GRIA4: variants seen among roughly 807,000 people sequenced by gnomAD.
GRIA4 encodes glutamate ionotropic receptor AMPA type subunit 4.
A neutral mutation model predicts 104.0 loss-of-function variants in GRIA4; 34 were observed. The observed-to-expected ratio is 0.33, with a 90% CI of 0.25 to 0.44. The LOEUF (loss-of-function observed/expected upper bound fraction) is 0.44. GRIA4 is among the 20% of genes least tolerant of loss of function. GRIA4 has a pLI of 1.00. For synonymous variants in GRIA4, 386 were observed against 381.9 expected, an observed-to-expected ratio of 1.01 and a Z score of -0.13; for missense variants, 750 against 1,096.5, an observed-to-expected ratio of 0.68 and a Z score of 4.46.
intron 3 of GRIA4, among the ~76,000 whole-genome samples, chr11:105,683,543 G>T (rs1468935186): frequency 6.6e-6 from 1 of 151,898 alleles, no homozygotes; most frequent in African/African-American, 2.4e-5. Flanking sequence ...AATTTATGAA[G>T]CAATTATGAA....
rs902237805 is a variant in GRIA4 at position 105,792,788 on chromosome 11, T to G, written c.487+39568T>G. On this transcript the variant is annotated intron_variant, in intron 4 of 16. Coordinates refer to ENST00000282499, the MANE Select transcript of GRIA4 (RefSeq NM_000829.4). ...TTCAATGAAAATAATTTAACAAATTTAAGACACTGCCTTCAACTGGCTTAT... is the reference window on the plus strand; with the variant it reads ...TTCAATGAAAATAATTTAACAAATTGAAGACACTGCCTTCAACTGGCTTAT... Among the ~76,000 whole-genome samples the G allele has an allele frequency of 1.4e-4, 22 of 152,158 alleles. 1 individual carries two copies. Among genetic ancestry groups the G allele is most frequent in the African/African-American group, 3.9e-4 (16 of 41,436 alleles).
At chr11:105,879,377 T>C (rs542746591) in intron 5 of GRIA4, among the ~76,000 whole-genome samples, 20 of 152,320 alleles carry the variant, frequency 1.3e-4, no homozygotes, top group Non-Finnish European at 2.4e-4. Context: ...TTTTAATTGA[T>C]TACTTTGAGC....
chr11:105,633,333 G>T (rs545721876), intron 3 of GRIA4, among the ~76,000 whole-genome samples: 4 of 152,210 alleles, frequency 2.6e-5, no homozygotes, highest in Admixed American at 2.0e-4. Context: ...CAAATTCAAA[G>T]AAACTAATTT....
At chr11:105,908,145 A>G (rs1947110343) in intron 9 of GRIA4, among the ~76,000 whole-genome samples, 1 of 152,216 alleles carries the variant, frequency 6.6e-6, no homozygotes, top group South Asian at 2.1e-4. Context: ...TTCTAGGCCA[A>G]GATCATCCTA....
chr11:105,882,454 T>C (rs1946101426), intron 5 of GRIA4, among the ~76,000 whole-genome samples: 1 of 152,204 alleles, frequency 6.6e-6, no homozygotes, highest in African/African-American at 2.4e-5. Flanking sequence ...ATGTAAAATC[T>C]GATTGTGGAT....
rs1179494214 is a variant in GRIA4 at position 105,747,653 on chromosome 11, TAG to T, written c.248-5326_248-5325del. 1.8e-4 allele frequency among the ~76,000 whole-genome samples: 27 copies of T among 152,254 alleles called. No individual in the cohort carries two copies. In the East Asian group the frequency reaches 4.8e-3, roughly 27 times the overall value. ...AATTAAGAAAAGTTGACAAACCTAG[TAG>T]ATAGTTTACTATTGGGAGAGATGTG... On this transcript the variant is annotated intron_variant, in intron 3 of 16. Coordinates refer to ENST00000282499, the MANE Select transcript of GRIA4 (RefSeq NM_000829.4).
intron 14 of GRIA4, among the ~76,000 whole-genome samples, chr11:105,964,782 ATGTTTTTTTT>A (rs1948820223): frequency 6.6e-6 from 1 of 150,700 alleles, no homozygotes; most frequent in South Asian, 2.1e-4. Flanking sequence ...AGCCCATGAC[ATGTTTTTTTT>A]TGTTTTTTTT....
At chr11:105,955,182 G>T (rs1158863894) in intron 14 of GRIA4, among the ~76,000 whole-genome samples, 1 of 151,464 alleles carries the variant, frequency 6.6e-6, no homozygotes, top group Non-Finnish European at 1.5e-5. Flanking sequence ...TGGGATATAT[G>T]TGCAGAACGT....
At chr11:105,642,499 C>A (rs11226816) in intron 3 of GRIA4, among the ~76,000 whole-genome samples, 2 of 116,510 alleles carry the variant, frequency 1.7e-5, no homozygotes, top group Non-Finnish European at 3.3e-5. Flanking sequence ...AAAAGTATTT[C>A]TTAACTAGGC....
intron 3 of GRIA4, among the ~76,000 whole-genome samples, chr11:105,654,285 A>T (rs1186116505): frequency 6.6e-6 from 1 of 151,836 alleles, no homozygotes; most frequent in Non-Finnish European, 1.5e-5. Context: ...CTATAGTACA[A>T]CATGCTGACT....
chr11:105,775,777 A>G (rs1941420997), intron 4 of GRIA4, among the ~76,000 whole-genome samples: 1 of 152,066 alleles, frequency 6.6e-6, no homozygotes, highest in Non-Finnish European at 1.5e-5. Context: ...GTCAGAAAGT[A>G]CCTCTTTCTA....
intron 10 of GRIA4, chr11:105,912,546 T>TTATA: frequency 8.1e-6 from 2 of 246,032 alleles, no homozygotes; most frequent in Non-Finnish European, 1.3e-5. Context: ...ATATATATAT[T>TTATA]TATATATATA....
At chr11:105,628,146 G>A (rs1291993164) in intron 3 of GRIA4, among the ~76,000 whole-genome samples, 3 of 152,042 alleles carry the variant, frequency 2.0e-5, no homozygotes, top group Non-Finnish European at 4.4e-5. Flanking sequence ...AATACAGTGA[G>A]ATAGTAACAT....
At position 105,876,213 on chromosome 11, in the gene GRIA4, G is replaced by C. The variant is rs551834728; in HGVS notation, c.673-11306G>C. Among the ~76,000 whole-genome samples the C allele has an allele frequency of 1.2e-4, 19 of 152,264 alleles. No individual in the cohort carries two copies. The East Asian group carries it at 3.5e-3, about 28-fold the overall frequency. ...GAGCAGGTTGTTCAGTTTCCATGCAGTTGTGGGGTTTTTAGTGAGTTTCTT... is the reference window on the plus strand; with the variant it reads ...GAGCAGGTTGTTCAGTTTCCATGCACTTGTGGGGTTTTTAGTGAGTTTCTT... On this transcript the variant is annotated intron_variant, in intron 5 of 16. Transcript: ENST00000282499.
chr11:105,952,188 C>T (rs985513064), intron 14 of GRIA4, among the ~76,000 whole-genome samples: 20 of 152,158 alleles, frequency 1.3e-4, no homozygotes, highest in Admixed American at 5.2e-4. Flanking sequence ...AAATGTTATT[C>T]GAATTTAGAA....
intron 15 of GRIA4, among the ~76,000 whole-genome samples, chr11:105,973,577 CATAA>C (rs1188676530): frequency 1.7e-4 from 26 of 151,886 alleles, no homozygotes; most frequent in South Asian, 6.2e-4. Flanking sequence ...TTCATCCATA[CATAA>C]ATAACTTATT....
At chr11:105,660,565 G>C (rs1251250430) in intron 3 of GRIA4, among the ~76,000 whole-genome samples, 3 of 151,370 alleles carry the variant, frequency 2.0e-5, no homozygotes, top group African/African-American at 7.3e-5. Context: ...GAAGGTATGG[G>C]GTTCAGGAAA....
chr11:105,926,875 T>A lies in GRIA4; in HGVS notation c.1982T>A (p.Leu661Gln). 1 of 1,612,220 alleles carries A rather than the reference T, an allele frequency of 6.2e-7. No homozygotes were observed. The highest frequency in any genetic ancestry group is 2.2e-5 in the East Asian group (1 of 44,806). Residue 661 changes from leucine to glutamine, a missense_variant, in exon 13 of 17, where the codon CTG becomes CAG. Around this residue, in one of 3 missense-constraint regions of GRIA4, gnomAD observed 272 missense variants for 524.5 expected, o/e 0.52. Coordinates refer to ENST00000282499, the MANE Select transcript of GRIA4 (RefSeq NM_000829.4). ...TCTCCCATAGAAAGTGCAGAAGACC[T>A]GGCCAAACAAACAGAAATTGCCTAT... ...MVSPIESAED[L>Q]AKQTEIAYGT...
intron 5 of GRIA4, among the ~76,000 whole-genome samples, chr11:105,868,474 G>C (rs1945506618): frequency 6.6e-6 from 1 of 152,078 alleles, no homozygotes; most frequent in African/African-American, 2.4e-5. Flanking sequence ...ACATCCCCTA[G>C]TGATGATAGG....
Sources: gnomAD v4.1 joint callset for allele counts (sites outside exome capture counted in the v4.1 genomes callset) on GRCh38, gnomAD v4.1.1 for gene constraint, gnomAD v4.1.1 regional missense constraint, MANE v1.5 for transcripts, NCBI Gene and HGNC (gene_info 2026-07-23, HGNC 2026-07-21) for gene names.